Variants in KCMF1 observed in about 807,000 individuals in gnomAD.
KCMF1 encodes the protein E3 ubiquitin-protein ligase KCMF1.
Under a neutral mutation model 41.1 loss-of-function variants are expected in KCMF1, and 3 were observed. The ratio of observed to expected loss-of-function variants is 0.07; its 90% CI spans 0.03 to 0.19. The LOEUF (loss-of-function observed/expected upper bound fraction) is 0.19, where lower values mean the gene tolerates loss of function less well. Among genes scored for constraint, KCMF1 ranks in the 10% least tolerant of loss-of-function variants. The pLI, the probability that KCMF1 is intolerant of heterozygous loss-of-function variation, is 1.00. For missense variants in KCMF1, 286 were observed against 488.9 expected, an observed-to-expected ratio of 0.58 and a Z score of 3.91; for synonymous variants, 142 against 164.5, an observed-to-expected ratio of 0.86 and a Z score of 1.04.
chr2:85,013,403 A>G (rs922468388), intron 1 of KCMF1, among the ~76,000 whole-genome samples: 33 of 152,198 alleles, frequency 2.2e-4, no homozygotes, highest in African/African-American at 7.7e-4. Flanking sequence ...CATTAAAAAA[A>G]CATTTAGCGA....
At chr2:85,010,969 G>C (rs368031387) in intron 1 of KCMF1, among the ~76,000 whole-genome samples, 1 of 151,466 alleles carries the variant, frequency 6.6e-6, no homozygotes, top group South Asian at 2.1e-4. Context: ...TCAGCCTCCC[G>C]AGTAGCTGGG....
At chr2:85,042,687 G>T (rs1290214288) in intron 3 of KCMF1, among the ~76,000 whole-genome samples, 1 of 152,142 alleles carries the variant, frequency 6.6e-6, no homozygotes, top group African/African-American at 2.4e-5. Context: ...TCAAGGCTTG[G>T]CTACCATTGT....
intron 1 of KCMF1, among the ~76,000 whole-genome samples, chr2:84,996,896 C>A (rs1574013592): frequency 6.6e-6 from 1 of 152,222 alleles, no homozygotes; most frequent in Non-Finnish European, 1.5e-5. Context: ...AGTGTACTTA[C>A]AGAAACCTAG....
At chr2:85,024,424 G>C (rs978057262) in intron 1 of KCMF1, among the ~76,000 whole-genome samples, 2 of 152,148 alleles carry the variant, frequency 1.3e-5, no homozygotes, top group South Asian at 2.1e-4. Flanking sequence ...AGTGAGCCAA[G>C]ATCTCACCAT....
chr2:84,986,478 A>G (rs1259763306), intron 1 of KCMF1, among the ~76,000 whole-genome samples: 1 of 152,172 alleles, frequency 6.6e-6, no homozygotes, highest in African/African-American at 2.4e-5. Flanking sequence ...GTGCAGAACT[A>G]AGAAAACATG....
chr2:85,017,651 C>G (rs928993444), intron 1 of KCMF1, among the ~76,000 whole-genome samples: 1 of 147,172 alleles, frequency 6.8e-6, no homozygotes, highest in Non-Finnish European at 1.5e-5. Context: ...CCTTCAAATT[C>G]CAAATGAGGT....
In KCMF1 at chr2:85,023,270, A is replaced by G. The variant is rs554634010; in HGVS notation, c.17-4619A>G. Reference sequence around the variant, plus strand: ...GTTGCTGTGATTCATTCTTTTTCCAATTCATTCTGTGCATATTGAACTGTT... The same window carrying G: ...GTTGCTGTGATTCATTCTTTTTCCAGTTCATTCTGTGCATATTGAACTGTT... On this transcript the variant is annotated intron_variant, in intron 1 of 6. Transcript: ENST00000409785. Among the ~76,000 whole-genome samples the G allele has an allele frequency of 1.6e-4, 24 of 146,038 alleles. No individual in the cohort carries two copies. The South Asian group carries it at 3.6e-3, about 22-fold the overall frequency.
chr2:84,996,651 G>A (rs1559129064), intron 1 of KCMF1, among the ~76,000 whole-genome samples: 1 of 151,954 alleles, frequency 6.6e-6, no homozygotes, highest in African/African-American at 2.4e-5. Context: ...GGCCAGACTC[G>A]TCTCAAACTC....
At chr2:84,971,560 A>G (rs1323034638) in intron 1 of KCMF1, 93 bp downstream of exon 1, 4 of 703,134 alleles carry the variant, frequency 5.7e-6, no homozygotes, top group Non-Finnish European at 5.6e-6. Flanking sequence ...GAAGCGGCGG[A>G]GACTTTGGCC....
intron 1 of KCMF1, among the ~76,000 whole-genome samples, chr2:85,022,359 A>G (rs1238473988): frequency 6.6e-6 from 1 of 152,102 alleles, no homozygotes; most frequent in African/African-American, 2.4e-5. Flanking sequence ...CAGTAGTCCC[A>G]GCTACTCAGG....
intron 1 of KCMF1, among the ~76,000 whole-genome samples, chr2:85,014,712 C>T (rs12613871): frequency 0.093 from 13,536 of 145,676 alleles, 960 homozygotes; most frequent in East Asian, 0.34. Context: ...CGCGCGCGTG[C>T]GTGCGTGCGT....
At chr2:84,990,884 G>A (rs1674025156) in intron 1 of KCMF1, among the ~76,000 whole-genome samples, 1 of 152,098 alleles carries the variant, frequency 6.6e-6, no homozygotes, top group Admixed American at 6.6e-5. Flanking sequence ...CAGGTTATAT[G>A]GGACATTTTA....
At chr2:84,998,214 C>T (rs1674223443) in intron 1 of KCMF1, among the ~76,000 whole-genome samples, 1 of 152,050 alleles carries the variant, frequency 6.6e-6, no homozygotes, top group Non-Finnish European at 1.5e-5. Flanking sequence ...GCCTCAGCCT[C>T]CCGAGTAGCT....
chr2:85,003,419 A>C (rs758830838), intron 1 of KCMF1, among the ~76,000 whole-genome samples: 2 of 152,050 alleles, frequency 1.3e-5, no homozygotes. Context: ...CATAGCTTGC[A>C]GTGAGCCAAG....
chr2:85,034,293 A>G (rs927837085), intron 2 of KCMF1, among the ~76,000 whole-genome samples: 2 of 152,204 alleles, frequency 1.3e-5, no homozygotes, highest in African/African-American at 4.8e-5. Flanking sequence ...ACAACTAGCT[A>G]CATCTGGGAG....
At position 85,025,513 on chromosome 2, in the gene KCMF1, G is replaced by A. The variant is rs142106735; in HGVS notation, c.17-2376G>A. Among the ~76,000 whole-genome samples, 115 of 152,144 alleles carry A rather than the reference G, an allele frequency of 7.6e-4. 1 individual carries two copies. The highest frequency in any genetic ancestry group is 2.6e-3 in the African/African-American group (107 of 41,506). ...TTGAAAACTCTCTACCCACTAAACC[G>A]TAACTCCCCGTTCTCCCTTTCCTCA... is the stretch of plus-strand genomic sequence containing the variant. On this transcript the variant is annotated intron_variant, in intron 1 of 6. Transcript: ENST00000409785.
chr2:85,049,914 T>C (rs1376236082), intron 6 of KCMF1, among the ~76,000 whole-genome samples: 1 of 152,118 alleles, frequency 6.6e-6, no homozygotes, highest in Non-Finnish European at 1.5e-5. Context: ...ATCCCAGCAC[T>C]TTGGGAGGCC....
chr2:85,013,632 T>C (rs1054284774), intron 1 of KCMF1, among the ~76,000 whole-genome samples: 2 of 152,028 alleles, frequency 1.3e-5, no homozygotes, highest in East Asian at 3.9e-4. Context: ...ACCCCGTCTC[T>C]ACTAAAAGTA....
chr2:85,021,422 G>C (rs1381267943), intron 1 of KCMF1, among the ~76,000 whole-genome samples: 1 of 152,170 alleles, frequency 6.6e-6, no homozygotes, highest in Non-Finnish European at 1.5e-5. Flanking sequence ...AGGAGATCGA[G>C]AACATCCTGG....
Sources: gnomAD v4.1 joint callset for allele counts (sites outside exome capture counted in the v4.1 genomes callset) on GRCh38, gnomAD v4.1.1 for gene constraint, MANE v1.5 for transcripts, NCBI Gene and HGNC (gene_info 2026-07-23, HGNC 2026-07-21) for gene names.